Variants in HDAC9 observed in about 807,000 individuals in gnomAD.
HDAC9 encodes the protein histone deacetylase 9.
Under a neutral mutation model 139.4 loss-of-function variants are expected in HDAC9, and 41 were observed. That is an observed-to-expected ratio of 0.29 (90% confidence interval 0.23 to 0.38). The LOEUF (loss-of-function observed/expected upper bound fraction) is 0.38, where lower values mean the gene tolerates loss of function less well. Among genes scored for constraint, HDAC9 ranks in the 10% least tolerant of loss-of-function variants. HDAC9 has a pLI of 1.00. For synonymous variants in HDAC9, 517 were observed against 476.2 expected (o/e 1.09, Z -1.12); for missense variants, 1,147 against 1,297.0 (o/e 0.88, Z 1.78).
intron 19 of HDAC9, among the ~76,000 whole-genome samples, chr7:18,830,244 C>A (rs1795761615): frequency 6.6e-6 from 1 of 152,106 alleles, no homozygotes; most frequent in Non-Finnish European, 1.5e-5. Context: ...ACAAAAAGGA[C>A]CAACCCAGGA....
chr7:18,157,666 C>G lies in HDAC9; in HGVS notation c.-96-4563C>G, dbSNP rs556832010. On this transcript the variant is annotated intron_variant, in intron 1 of 12. Transcript: ENST00000417496. ...AAGAAACAGAGAAATGAAATAGAAT[C>G]TAAGGTTTCCATATTGGGTAACAGT... is the stretch of plus-strand genomic sequence containing the variant. Among the ~76,000 whole-genome samples, 133 of 152,286 alleles carry G rather than the reference C, an allele frequency of 8.7e-4. 1 individual carries two copies. The highest frequency in any genetic ancestry group is 3.1e-3 in the African/African-American group (130 of 41,562).
At position 18,307,097 on chromosome 7, in the gene HDAC9, TTGTGTGTGTGTGTGTGTG is replaced by T. The variant is rs56020648; in HGVS notation, c.-42+16612_-42+16629del. On this transcript the variant is annotated intron_variant, in intron 1 of 3. Coordinates refer to the HDAC9 transcript ENST00000413509. ...CCCTTCAGCTACAGGAGGGCAGTTC[TTGTGTGTGTGTGTGTGTG>T]TGTGTGTGTGTGTGTGTGTGTGTGT... is the stretch of plus-strand genomic sequence containing the variant. Among the ~76,000 whole-genome samples the T allele has an allele frequency of 5.2e-5, 7 of 134,808 alleles. No individual in the cohort carries two copies. In the East Asian group the frequency reaches 6.6e-4, roughly 13 times the overall value. 88.4% of individuals were successfully genotyped at this position (134,808 alleles called of 152,430 possible). A position where few individuals can be genotyped will look rare whatever the true frequency, so the allele number is the denominator to read the frequency against.
At chr7:18,967,670 A>G (rs1263457816) in intron 24 of HDAC9, among the ~76,000 whole-genome samples, 1 of 152,204 alleles carries the variant, frequency 6.6e-6, no homozygotes. Flanking sequence ...CGTATGGAGC[A>G]CACAATTTTT....
chr7:18,278,566 A>G (rs1796895512), intron 2 of HDAC9, among the ~76,000 whole-genome samples: 1 of 152,210 alleles, frequency 6.6e-6, no homozygotes, highest in African/African-American at 2.4e-5. Context: ...TCTGTGGTCT[A>G]GGGTTTTTCA....
chr7:18,275,754 A>G (rs71524240), intron 2 of HDAC9, among the ~76,000 whole-genome samples: 44,409 of 151,956 alleles, frequency 0.29, 7,055 homozygotes, highest in South Asian at 0.4. Context: ...CTCAGAAGTC[A>G]CCATACCACT....
chr7:18,916,839 T>A (rs1252124192), intron 22 of HDAC9, among the ~76,000 whole-genome samples: 1 of 152,012 alleles, frequency 6.6e-6, no homozygotes, highest in Non-Finnish European at 1.5e-5. Flanking sequence ...GTAAAGCCAC[T>A]CTGGGAATAT....
At chr7:18,960,607 A>G (rs968798070) in intron 24 of HDAC9, among the ~76,000 whole-genome samples, 1 of 152,170 alleles carries the variant, frequency 6.6e-6, no homozygotes, top group African/African-American at 2.4e-5. Context: ...ATGTATTAGA[A>G]TGAATAATCA....
intron 1 of HDAC9, among the ~76,000 whole-genome samples, chr7:18,460,076 C>A (rs550292467): frequency 9.3e-4 from 141 of 151,934 alleles, no homozygotes; most frequent in South Asian, 6.9e-3. Context: ...TGTACTACCA[C>A]GCACCACTGA....
intron 17 of HDAC9, among the ~76,000 whole-genome samples, chr7:18,816,800 G>C (rs1248853336): frequency 1.3e-5 from 2 of 152,104 alleles, no homozygotes; most frequent in Non-Finnish European, 2.9e-5. Flanking sequence ...AATTTCCACG[G>C]AACAATGTTC....
chr7:18,589,550 A>G (rs1427676651), intron 3 of HDAC9, among the ~76,000 whole-genome samples: 1 of 152,132 alleles, frequency 6.6e-6, no homozygotes, highest in Non-Finnish European at 1.5e-5. Flanking sequence ...AAAAATAAAA[A>G]TAAAAAAGAG....
intron 21 of HDAC9, among the ~76,000 whole-genome samples, chr7:18,839,525 G>T (rs1014722925): frequency 2.0e-4 from 30 of 152,060 alleles, no homozygotes; most frequent in African/African-American, 6.8e-4. Context: ...TTGGTTGAAT[G>T]AGTCAATGAA....
intron 1 of HDAC9, among the ~76,000 whole-genome samples, chr7:18,482,044 T>C (rs1795595240): frequency 6.6e-6 from 1 of 152,166 alleles, no homozygotes. Flanking sequence ...CATTCATCAA[T>C]TGCCTATCGC....
intron 6 of HDAC9, among the ~76,000 whole-genome samples, chr7:18,627,927 A>G (rs1451371762): frequency 3.3e-5 from 5 of 151,330 alleles, no homozygotes; most frequent in Non-Finnish European, 2.9e-5. Flanking sequence ...GCCAATTCCA[A>G]GAAAACATAT....
At chr7:18,659,555 A>G (rs1228267615) in intron 11 of HDAC9, among the ~76,000 whole-genome samples, 1 of 152,156 alleles carries the variant, frequency 6.6e-6, no homozygotes, top group Non-Finnish European at 1.5e-5. Flanking sequence ...GTGTGTTACA[A>G]ACTCAGAATG....
chr7:18,381,079 T>A (rs1203267615), intron 1 of HDAC9, among the ~76,000 whole-genome samples: 1 of 150,442 alleles, frequency 6.6e-6, no homozygotes, highest in Non-Finnish European at 1.5e-5. Context: ...ATGCCTATAG[T>A]CCTGCACTAC....
chr7:18,712,992 G>T (rs6946945), intron 12 of HDAC9, among the ~76,000 whole-genome samples: 3 of 152,052 alleles, frequency 2.0e-5, no homozygotes, highest in Non-Finnish European at 4.4e-5. Context: ...AAACCAAATT[G>T]TTAAGCCTTG....
intron 2 of HDAC9, among the ~76,000 whole-genome samples, chr7:18,269,649 G>A (rs547652420): frequency 2.7e-4 from 41 of 152,258 alleles, no homozygotes; most frequent in African/African-American, 8.4e-4. Flanking sequence ...TTGAGCCCTG[G>A]AGTTGGAGGT....
intron 24 of HDAC9, among the ~76,000 whole-genome samples, chr7:18,966,255 G>T (rs1301408716): frequency 6.6e-6 from 1 of 152,172 alleles, no homozygotes. Flanking sequence ...TTTAAGAAAA[G>T]CGTGTAGGGT....
intron 11 of HDAC9, among the ~76,000 whole-genome samples, chr7:18,653,859 AATG>A (rs1790180243): frequency 6.6e-6 from 1 of 152,106 alleles, no homozygotes; most frequent in Non-Finnish European, 1.5e-5. Flanking sequence ...TTCTAACATG[AATG>A]TTATATATTC....
Sources: gnomAD v4.1 joint callset for allele counts (sites outside exome capture counted in the v4.1 genomes callset) on GRCh38, gnomAD v4.1.1 for gene constraint, MANE v1.5 for transcripts, NCBI Gene and HGNC (gene_info 2026-07-23, HGNC 2026-07-21) for gene names.